Variants in MOB3B observed in about 807,000 individuals in gnomAD.
MOB3B encodes MOB kinase activator 3B.
MOB3B carries 7 observed loss-of-function variants against 18.7 expected under a neutral mutation model. The observed-to-expected ratio is 0.37, with a 90% CI of 0.21 to 0.70. The LOEUF (loss-of-function observed/expected upper bound fraction) is 0.70, where lower values mean the gene tolerates loss of function less well. MOB3B is among the 30% of genes least tolerant of loss of function. The pLI is 0.52. For missense variants in MOB3B, 253 were observed against 281.3 expected (o/e 0.90, Z 0.72); for synonymous variants, 111 against 99.9 (o/e 1.11, Z -0.66).
chr9:27,450,515 C>A (rs145528980), intron 2 of MOB3B, among the ~76,000 whole-genome samples: 4 of 151,318 alleles, frequency 2.6e-5, no homozygotes, highest in African/African-American at 4.8e-5. Context: ...TAATAATAAT[C>A]AAAAAAAAGA....
chr9:27,478,398 GT>G (rs919427904), intron 1 of MOB3B, among the ~76,000 whole-genome samples: 7 of 151,814 alleles, frequency 4.6e-5, no homozygotes, highest in Admixed American at 1.3e-4. Context: ...ACGTTTAAAA[GT>G]TTTTTTTAAC....
chr9:27,446,198 C>A (rs1822690085), intron 2 of MOB3B, among the ~76,000 whole-genome samples: 1 of 150,790 alleles, frequency 6.6e-6, no homozygotes, highest in Non-Finnish European at 1.5e-5. Context: ...AGCCAAGTGA[C>A]AAAAAATTCA....
intron 2 of MOB3B, among the ~76,000 whole-genome samples, chr9:27,406,243 A>C (rs1419160381): frequency 1.3e-5 from 2 of 152,270 alleles, no homozygotes; most frequent in African/African-American, 4.8e-5. Context: ...ATACAAAATC[A>C]ACATAGAAAA....
intron 3 of MOB3B, among the ~76,000 whole-genome samples, chr9:27,354,555 G>A (rs1393555788): frequency 6.6e-6 from 1 of 152,206 alleles, no homozygotes; most frequent in Non-Finnish European, 1.5e-5. Context: ...TCCCAACATG[G>A]AAATGGGTAA....
chr9:27,444,567 C>A (rs1263005761), intron 2 of MOB3B, among the ~76,000 whole-genome samples: 1 of 152,080 alleles, frequency 6.6e-6, no homozygotes, highest in East Asian at 1.9e-4. Context: ...TTCCAGAAAA[C>A]AGGGAATTAT....
intron 1 of MOB3B, chr9:27,524,824 G>A: frequency 6.2e-7 from 1 of 1,613,928 alleles, no homozygotes; most frequent in East Asian, 2.2e-5. Flanking sequence ...CTGGAACTGA[G>A]GAGATATTTC....
At chr9:27,447,812 A>G (rs752570137) in intron 2 of MOB3B, among the ~76,000 whole-genome samples, 1 of 152,194 alleles carries the variant, frequency 6.6e-6, no homozygotes, top group African/African-American at 2.4e-5. Context: ...ATAATAGACC[A>G]TCAATTCTCC....
chr9:27,424,352 A>G (rs1317997946), intron 2 of MOB3B, among the ~76,000 whole-genome samples: 1 of 152,248 alleles, frequency 6.6e-6, no homozygotes, highest in East Asian at 1.9e-4. Context: ...AAGACGTGCT[A>G]GCCACGGACA....
chr9:27,524,729 A>G (rs1430492836), intron 1 of MOB3B: 1 of 1,614,098 alleles, frequency 6.2e-7, no homozygotes, highest in Non-Finnish European at 8.5e-7. Context: ...GCTTGGAGGA[A>G]GACAAGAATG....
intron 1 of MOB3B, among the ~76,000 whole-genome samples, chr9:27,499,055 A>G (rs1224583396): frequency 6.6e-6 from 1 of 152,230 alleles, no homozygotes; most frequent in Non-Finnish European, 1.5e-5. Context: ...GAAAAGAACC[A>G]TGAATTTAAA....
chr9:27,496,201 A>G (rs576380688), intron 1 of MOB3B, among the ~76,000 whole-genome samples: 43 of 152,382 alleles, frequency 2.8e-4, no homozygotes, highest in African/African-American at 8.9e-4. Context: ...CTGTGTTTAC[A>G]TGCTTAATCC....
At chr9:27,387,999 G>T (rs1243682339) in intron 2 of MOB3B, among the ~76,000 whole-genome samples, 1 of 152,068 alleles carries the variant, frequency 6.6e-6, no homozygotes, top group Non-Finnish European at 1.5e-5. Flanking sequence ...TCATAATTGG[G>T]AGTCAGCTAC....
chr9:27,494,216 C>T (rs1819864622), intron 1 of MOB3B, among the ~76,000 whole-genome samples: 1 of 152,134 alleles, frequency 6.6e-6, no homozygotes, highest in South Asian at 2.1e-4. Flanking sequence ...GACAATGGTG[C>T]CCGAAACTTC....
At chr9:27,514,108 A>C (rs1820191495) in intron 1 of MOB3B, among the ~76,000 whole-genome samples, 1 of 152,160 alleles carries the variant, frequency 6.6e-6, no homozygotes, top group Non-Finnish European at 1.5e-5. Context: ...GAATATAAAG[A>C]AGCTTTAACT....
chr9:27,387,700 A>T (rs1178057667), intron 2 of MOB3B, among the ~76,000 whole-genome samples: 1 of 152,134 alleles, frequency 6.6e-6, no homozygotes, highest in African/African-American at 2.4e-5. Flanking sequence ...AAGGCCAGAG[A>T]TATCCTCTTT....
At chr9:27,364,776 T>C (rs1426273710) in intron 2 of MOB3B, among the ~76,000 whole-genome samples, 1 of 147,324 alleles carries the variant, frequency 6.8e-6, no homozygotes, top group Non-Finnish European at 1.5e-5. Flanking sequence ...CAGTATTCTA[T>C]TGTGAATTGT....
intron 2 of MOB3B, among the ~76,000 whole-genome samples, chr9:27,410,668 T>C (rs973237177): frequency 1.3e-5 from 2 of 152,214 alleles, no homozygotes; most frequent in Non-Finnish European, 2.9e-5. Context: ...AAAAGGGGCC[T>C]GCTTGGTGGT....
At position 27,455,222 on chromosome 9, in the gene MOB3B, G is replaced by C. The variant is rs1250392384; in HGVS notation, c.329C>G (p.Thr110Arg). ...WQDDLKYKKPTALPAPQYMNL... is the reference protein window; with the variant it reads ...WQDDLKYKKPRALPAPQYMNL... ...CATGTACTGGGGAGCTGGCAGCGCT[G>C]TTGGCTTCTTATACTTGAGATCATC... is the stretch of plus-strand genomic sequence containing the variant. The change falls in exon 2 of 4, where the codon ACA (threonine) becomes AGA (arginine). Residue 110 changes from threonine to arginine, a missense_variant. Physicochemically the swap from Thr to Arg is moderately conservative, Grantham distance 71. Coordinates refer to ENST00000262244, the MANE Select transcript of MOB3B (RefSeq NM_024761.5). 6.2e-7 allele frequency: 1 copy of C among 1,614,044 alleles called. No homozygotes were observed. The highest frequency in any genetic ancestry group is 8.5e-7 in the Non-Finnish European group (1 of 1,180,046).
intron 2 of MOB3B, among the ~76,000 whole-genome samples, chr9:27,403,673 G>T (rs1418193486): frequency 1.3e-5 from 2 of 151,844 alleles, no homozygotes; most frequent in Non-Finnish European, 2.9e-5. Context: ...AAGAGACAGG[G>T]TTTCACCATG....
Sources: gnomAD v4.1 joint callset for allele counts (sites outside exome capture counted in the v4.1 genomes callset) on GRCh38, gnomAD v4.1.1 for gene constraint, MANE v1.5 for transcripts, NCBI Gene and HGNC (gene_info 2026-07-23, HGNC 2026-07-21) for gene names.